Variants in KCTD2 observed in about 807,000 individuals in gnomAD.
The protein encoded by KCTD2 is BTB/POZ domain-containing protein KCTD2.
KCTD2 carries 18 observed loss-of-function variants against 27.9 expected under a neutral mutation model. That is an observed-to-expected ratio of 0.64 (90% CI 0.45 to 0.96). The LOEUF is 0.96. Among genes scored for constraint, KCTD2 ranks in the 40% least tolerant of loss-of-function variants. The pLI, the probability that KCTD2 is intolerant of heterozygous loss-of-function variation, is 0.00. For synonymous variants in KCTD2, 175 were observed against 148.4 expected (o/e 1.18, Z -1.30); for missense variants, 280 against 348.0 (o/e 0.80, Z 1.56).
At chr17:75,045,886 G>GAAA (rs904766987), upstream of KCTD2, among the ~76,000 whole-genome samples, 2 of 152,224 alleles carry the variant, frequency 1.3e-5, no homozygotes, top group Non-Finnish European at 2.9e-5. Context: ...AAGTGTCCAT[G>GAAA]AAATCTCTAC....
chr17:75,054,381 A>G (rs2073327283), intron 3 of KCTD2, among the ~76,000 whole-genome samples: 1 of 152,206 alleles, frequency 6.6e-6, no homozygotes. Flanking sequence ...GTTAGAGGAA[A>G]GAAAGATGTT....
chr17:75,039,231 C>G, intron 3 of KCTD2: 1 of 1,614,208 alleles, frequency 6.2e-7, no homozygotes, highest in Non-Finnish European at 8.5e-7. Flanking sequence ...TTCTACAATC[C>G]TGGCCTTTGA....
intron 4 of KCTD2, chr17:75,060,548 T>C (rs1371722213): frequency 4.3e-6 from 7 of 1,612,872 alleles, no homozygotes; most frequent in Non-Finnish European, 5.9e-6. Context: ...TTTTCACTTC[T>C]GTGTTGTCCT....
intron 2 of KCTD2, 23 bp from the exon 3 acceptor site, chr17:75,052,991 C>T (rs1176305207): frequency 6.3e-7 from 1 of 1,592,090 alleles, no homozygotes; most frequent in East Asian, 2.2e-5. Flanking sequence ...ACCTATCTGA[C>T]TGCAGTTTTG....
upstream of KCTD2, among the ~76,000 whole-genome samples, chr17:75,043,582 C>T (rs1405122317): frequency 6.9e-6 from 1 of 145,016 alleles, no homozygotes; most frequent in Admixed American, 7.0e-5. Context: ...CATTGCACTC[C>T]AGCCTGGACA....
rs2073446513 is a variant in KCTD2 at position 75,065,326 on chromosome 17, C to T, written c.*2279C>T. On this transcript the variant is annotated 3_prime_UTR_variant, in exon 6 of 6. Coordinates refer to ENST00000322444, the MANE Select transcript of KCTD2 (RefSeq NM_015353.3). ...TCTGGGAGCGTTGTTCACCCACCCC[C>T]TTTAGGAACCAGGCTGGTGTTCTTG... is the stretch of plus-strand genomic sequence containing the variant. 1 of 152,296 alleles carries T rather than the reference C, an allele frequency of 6.6e-6. No individual in the cohort carries two copies. The highest frequency in any genetic ancestry group is 1.9e-4 in the East Asian group (1 of 5,202). The allele number at this position is 152,296 out of a possible 1,614,324, so 9.4% of individuals were successfully genotyped here. A position where few individuals can be genotyped will look rare whatever the true frequency, so the allele number is the denominator to read the frequency against.
rs75985517 is a variant in KCTD2, at chr17:75,053,325, G to A, written c.540+220G>A. On this transcript the variant is annotated intron_variant, in intron 3 of 5. Transcript: ENST00000322444. ...GTCCCAATAGAATGAGAAGATTGTC[G>A]CTGCTTACCAGATGGCGGGAGGAGG... 1.4e-3 allele frequency among the ~76,000 whole-genome samples: 213 copies of A among 152,216 alleles called. 1 individual carries two copies. The highest frequency in any genetic ancestry group is 2.3e-3 in the Non-Finnish European group (156 of 68,022).
intron 1 of KCTD2, among the ~76,000 whole-genome samples, chr17:75,033,571 CA>C (rs1335477253): frequency 5.9e-5 from 9 of 152,146 alleles, no homozygotes; most frequent in African/African-American, 9.7e-5. Flanking sequence ...GATTTTTTAT[CA>C]GTTCTGTAGA....
chr17:75,036,706 C>A (rs8078243), intron 3 of KCTD2, among the ~76,000 whole-genome samples: 13,356 of 152,254 alleles, frequency 0.088, 1,008 homozygotes, highest in African/African-American at 0.2. Flanking sequence ...TTTTTTCTCA[C>A]ATCCCTGCGC....
intron 3 of KCTD2, chr17:75,035,948 C>T (rs1044842912): frequency 2.5e-5 from 10 of 404,310 alleles, no homozygotes; most frequent in African/African-American, 4.1e-5. Flanking sequence ...CACACTCACA[C>T]GGCACCCACC....
At position 75,064,278 on chromosome 17, in the gene KCTD2, G is replaced by T. The variant is rs1015855164; in HGVS notation, c.*1231G>T. ...TCCACACTTTCTCTCCGAGCATGTGGGTCTCGCTGAGCAGTCATGGAATGC... is the reference window on the plus strand; with the variant it reads ...TCCACACTTTCTCTCCGAGCATGTGTGTCTCGCTGAGCAGTCATGGAATGC... On this transcript the variant is annotated 3_prime_UTR_variant, in exon 6 of 6. Coordinates refer to ENST00000322444, the MANE Select transcript of KCTD2 (RefSeq NM_015353.3). 18 of 152,250 alleles carry T rather than the reference G, an allele frequency of 1.2e-4. No homozygotes were observed. The highest frequency in any genetic ancestry group is 2.9e-5 in the Non-Finnish European group (2 of 68,056). The allele number at this position is 152,250 out of a possible 1,614,324, so 9.4% of individuals were successfully genotyped here.
At chr17:75,036,161 CT>C (rs1193884749) in intron 3 of KCTD2, 11 of 385,240 alleles carry the variant, frequency 2.9e-5, no homozygotes, top group Admixed American at 5.6e-5. Context: ...TCACGCCATT[CT>C]CCTGCCTCAT....
intron 1 of KCTD2, among the ~76,000 whole-genome samples, 172 bp downstream of exon 1, chr17:75,047,761 C>G (rs1055722561): frequency 6.6e-6 from 1 of 152,094 alleles, no homozygotes; most frequent in Non-Finnish European, 1.5e-5. Flanking sequence ...CCTCCCACTC[C>G]CCTTCTTCCA....
intron 3 of KCTD2, among the ~76,000 whole-genome samples, chr17:75,058,397 G>T (rs1231410020): frequency 6.6e-6 from 1 of 152,018 alleles, no homozygotes; most frequent in Admixed American, 6.6e-5. Context: ...CCAGCTACTC[G>T]GGAGGCTGAG....
chr17:75,049,153 C>T (rs772973630), intron 1 of KCTD2, 67 bp from the exon 2 acceptor site: 2 of 936,918 alleles, frequency 2.1e-6, no homozygotes, highest in Non-Finnish European at 3.2e-6. Flanking sequence ...ATGGTGAAAT[C>T]CTGCCCTGCC....
intron 3 of KCTD2, among the ~76,000 whole-genome samples, chr17:75,036,329 GC>G (rs35028659): frequency 0.067 from 10,151 of 152,086 alleles, 486 homozygotes; most frequent in African/African-American, 0.13. Flanking sequence ...CACCGTGTTA[GC>G]CAGGATGGTC....
intron 5 of KCTD2, among the ~76,000 whole-genome samples, chr17:75,062,699 A>ACACACAC (rs1555642380): frequency 3.4e-5 from 4 of 115,988 alleles, no homozygotes; most frequent in African/African-American, 9.3e-5. Context: ...CCTCACCCCC[A>ACACACAC]ACACACACAC....
chr17:75,056,282 C>T (rs2144935515), intron 3 of KCTD2, among the ~76,000 whole-genome samples: 1 of 152,304 alleles, frequency 6.6e-6, no homozygotes, highest in South Asian at 2.1e-4. Flanking sequence ...TCTTTGCTAT[C>T]TTACCTTTAC....
chr17:75,043,321 A>G (rs2073179346), upstream of KCTD2, among the ~76,000 whole-genome samples: 1 of 152,106 alleles, frequency 6.6e-6, no homozygotes. Flanking sequence ...TTAAAAGCCC[A>G]GCTCTCTTGG....
Sources: allele counts gnomAD v4.1 joint callset (sites outside exome capture counted in the v4.1 genomes callset), GRCh38; gene constraint gnomAD v4.1.1; transcripts MANE v1.5; gene names NCBI Gene and HGNC (gene_info 2026-07-23, HGNC 2026-07-21).